Variants in TNKS observed in about 807,000 individuals in gnomAD.
TNKS encodes the protein tankyrase.
A neutral mutation model predicts 135.8 loss-of-function variants in TNKS; 72 were observed. That is an observed-to-expected ratio of 0.53 (90% CI 0.44 to 0.64). The LOEUF (loss-of-function observed/expected upper bound fraction) is 0.64. Ranked by LOEUF, TNKS falls within the 30% of genes least tolerant of loss-of-function variation. The pLI is 0.00. For missense variants in TNKS, 1,769 were observed against 1,674.0 expected (o/e 1.06, Z -0.99); for synonymous variants, 849 against 649.3 (o/e 1.31, Z -4.68).
At chr8:9,762,721 T>A (rs780811343) in intron 21 of TNKS, among the ~76,000 whole-genome samples, 1 of 152,052 alleles carries the variant, frequency 6.6e-6, no homozygotes, top group Non-Finnish European at 1.5e-5. Flanking sequence ...GCTAACATGA[T>A]GAAACCCTGT....
chr8:9,722,099 T>C (rs1804916441), intron 12 of TNKS, among the ~76,000 whole-genome samples: 1 of 151,004 alleles, frequency 6.6e-6, no homozygotes, highest in African/African-American at 2.4e-5. Flanking sequence ...GCCCTAACTA[T>C]AATATAAAGG....
chr8:9,752,760 G>A, intron 20 of TNKS, 134 bp downstream of exon 20: 1 of 542,892 alleles, frequency 1.8e-6, no homozygotes, highest in Non-Finnish European at 3.1e-6. Flanking sequence ...TTTGAGACCA[G>A]CCTGGGCAAC....
rs1174854271 is a variant in TNKS at position 9,777,240 on chromosome 8, T to G, written c.*504T>G. On this transcript the variant is annotated 3_prime_UTR_variant, in exon 27 of 27. Coordinates refer to ENST00000310430, the MANE Select transcript of TNKS (RefSeq NM_003747.3). Reference sequence around the variant, plus strand: ...GTTACTTTGAAAATGAGCCAGAGCCTTCTTGAGGATATTTTGCACAAAGTC... The same window carrying G: ...GTTACTTTGAAAATGAGCCAGAGCCGTCTTGAGGATATTTTGCACAAAGTC... The G allele has an allele frequency of 1.9e-5, 3 of 155,778 alleles. No homozygotes were observed. Among genetic ancestry groups the G allele is most frequent in the Non-Finnish European group, 4.3e-5 (3 of 69,798 alleles). The allele number at this position is 155,778 out of a possible 1,614,324, so 9.6% of individuals were successfully genotyped here.
rs775577849 is a variant in TNKS at position 9,733,289 on chromosome 8, C to T, written c.2158C>T (p.Pro720Ser). The change falls in exon 15 of 27, where the codon CCC (proline) becomes TCC (serine). Residue 720 changes from proline to serine, a missense_variant. By Grantham distance (74) the Pro-to-Ser change is moderately conservative. Coordinates refer to ENST00000310430, the MANE Select transcript of TNKS (RefSeq NM_003747.3). ...VHAKDKGGLV[P>S]LHNACSYGHY... ...CTTTCTTTTGTTTAGTGGCTTGGTG[C>T]CCCTTCATAATGCCTGTTCATATGG... 1 of 1,560,184 alleles carries T rather than the reference C, an allele frequency of 6.4e-7. No homozygotes were observed. The highest frequency in any genetic ancestry group is 1.2e-5 in the South Asian group (1 of 81,990).
At chr8:9,630,914 C>G (rs1800265602) in intron 3 of TNKS, among the ~76,000 whole-genome samples, 1 of 152,176 alleles carries the variant, frequency 6.6e-6, no homozygotes, top group South Asian at 2.1e-4. Context: ...AAATTCTTTA[C>G]TATATCTAAT....
In TNKS at chr8:9,735,504, A is replaced by G. The variant is rs1169166078; in HGVS notation, c.2643+18A>G. ...CTTATGGGGTAAGCATACTAACATTAAAATCTAGAAAACTGACCGCACGCG... is the reference window on the plus strand; with the variant it reads ...CTTATGGGGTAAGCATACTAACATTGAAATCTAGAAAACTGACCGCACGCG... On this transcript the variant is annotated intron_variant, in intron 17 of 26. Coordinates refer to ENST00000310430, the MANE Select transcript of TNKS (RefSeq NM_003747.3). 3 of 1,603,646 alleles carry G rather than the reference A, an allele frequency of 1.9e-6. No individual in the cohort carries two copies. Among genetic ancestry groups the G allele is most frequent in the Admixed American group, 3.3e-5 (2 of 59,932 alleles).
chr8:9,606,167 C>G (rs200454101), intron 2 of TNKS, among the ~76,000 whole-genome samples: 1 of 69,020 alleles, frequency 1.4e-5, no homozygotes, highest in Non-Finnish European at 3.0e-5. Context: ...TTTTTTTTTT[C>G]TTTTCTATAT....
intron 25 of TNKS, among the ~76,000 whole-genome samples, chr8:9,766,743 C>T (rs1321549475): frequency 6.6e-6 from 1 of 152,092 alleles, no homozygotes; most frequent in Non-Finnish European, 1.5e-5. Flanking sequence ...CTCGGCCTCC[C>T]AAAATGCTGG....
chr8:9,724,494 T>G (rs1805064295), intron 12 of TNKS, among the ~76,000 whole-genome samples: 1 of 152,216 alleles, frequency 6.6e-6, no homozygotes, highest in African/African-American at 2.4e-5. Flanking sequence ...AGAATTTTAC[T>G]AATATAGTAC....
chr8:9,730,829 A>G, intron 13 of TNKS, 61 bp from the exon 14 acceptor site: 4 of 1,558,374 alleles, frequency 2.6e-6, no homozygotes, highest in Non-Finnish European at 3.5e-6. Flanking sequence ...TTTTGGGGCA[A>G]AACCTGTGAA....
chr8:9,650,098 C>T (rs1801088105), intron 3 of TNKS, among the ~76,000 whole-genome samples: 1 of 151,634 alleles, frequency 6.6e-6, no homozygotes, highest in Non-Finnish European at 1.5e-5. Context: ...CACCATGTTG[C>T]CCAGGCTGGT....
chr8:9,591,682 T>C (rs1273871547), intron 2 of TNKS, among the ~76,000 whole-genome samples: 2 of 152,226 alleles, frequency 1.3e-5, no homozygotes, highest in African/African-American at 4.8e-5. Flanking sequence ...GTGTGTATTG[T>C]GAATGCTATT....
At chr8:9,677,946 G>A (rs1220148429) in intron 3 of TNKS, among the ~76,000 whole-genome samples, 1 of 151,976 alleles carries the variant, frequency 6.6e-6, no homozygotes, top group East Asian at 1.9e-4. Flanking sequence ...CTTCAAAACT[G>A]CTCAAGTTTC....
intron 1 of TNKS, chr8:9,575,241 C>G (rs2129052336): frequency 2.1e-6 from 1 of 476,532 alleles, no homozygotes; most frequent in Non-Finnish European, 2.7e-6. Flanking sequence ...CGCCCGCCAC[C>G]ACGCAGGGCT....
At position 9,693,622 on chromosome 8, in the gene TNKS, T is replaced by C. The variant is rs143345259; in HGVS notation, c.1108-11041T>C. ...AGACTGGTTAAACTGAGAAAATACA[T>C]ATACAATACTTTATTTGTGAAGCCA... On this transcript the variant is annotated intron_variant, in intron 5 of 26. Coordinates refer to ENST00000310430, the MANE Select transcript of TNKS (RefSeq NM_003747.3). Among the ~76,000 whole-genome samples the C allele has an allele frequency of 1.2e-3, 179 of 152,200 alleles. 2 individuals are homozygous for C. The East Asian group carries it at 0.032, about 27-fold the overall frequency.
At chr8:9,607,838 A>G (rs925894113) in intron 2 of TNKS, among the ~76,000 whole-genome samples, 1 of 152,182 alleles carries the variant, frequency 6.6e-6, no homozygotes, top group Non-Finnish European at 1.5e-5. Context: ...CTGCTTTGTC[A>G]GGGGCATTCT....
intron 2 of TNKS, among the ~76,000 whole-genome samples, chr8:9,584,652 T>A (rs1404017340): frequency 6.6e-6 from 1 of 152,224 alleles, no homozygotes; most frequent in Non-Finnish European, 1.5e-5. Context: ...AGAAGGTTGC[T>A]AAATGGAAGT....
intron 2 of TNKS, among the ~76,000 whole-genome samples, chr8:9,585,036 C>T (rs1340070107): frequency 6.6e-6 from 1 of 151,904 alleles, no homozygotes; most frequent in Non-Finnish European, 1.5e-5. Context: ...ATATCCAGGA[C>T]TGCTAAAGGA....
chr8:9,563,251 T>C (rs1333819955), intron 1 of TNKS, among the ~76,000 whole-genome samples: 1 of 152,184 alleles, frequency 6.6e-6, no homozygotes, highest in Non-Finnish European at 1.5e-5. Context: ...AAACCCCTGA[T>C]AACTGTCACT....
Sources: gnomAD v4.1 joint callset for allele counts (sites outside exome capture counted in the v4.1 genomes callset) on GRCh38, gnomAD v4.1.1 for gene constraint, MANE v1.5 for transcripts, NCBI Gene and HGNC (gene_info 2026-07-23, HGNC 2026-07-21) for gene names.